The following SIAH3 variants were observed in gnomAD, a reference collection of about 807,000 sequenced individuals.
SIAH3 encodes siah E3 ubiquitin protein ligase family member 3.
SIAH3 carries 9 observed loss-of-function variants against 12.6 expected under a neutral mutation model. The observed-to-expected ratio is 0.72, with a 90% CI of 0.43 to 1.25. The LOEUF is 1.25. Ranked by LOEUF, SIAH3 falls within the 50% of genes most tolerant of loss-of-function variation. The pLI, the probability that SIAH3 is intolerant of heterozygous loss-of-function variation, is 0.00. For synonymous variants in SIAH3, 154 were observed against 151.1 expected (o/e 1.02, Z -0.14); for missense variants, 390 against 365.4 (o/e 1.07, Z -0.55).
intron 1 of SIAH3, among the ~76,000 whole-genome samples, chr13:45,793,894 C>A (rs1008997449): frequency 4.6e-5 from 7 of 152,230 alleles, no homozygotes; most frequent in African/African-American, 1.7e-4. Context: ...TATTGTCCAG[C>A]TGGGCCCTAA....
Position 45,839,644 on chromosome 13 carries a change from A to G in SIAH3, c.135+11851T>C, listed in dbSNP as rs183426366. Among the ~76,000 whole-genome samples, 305 of 152,032 alleles carry G rather than the reference A, an allele frequency of 2.0e-3. 2 individuals are homozygous for G. Among genetic ancestry groups the G allele is most frequent in the African/African-American group, 7.0e-3 (291 of 41,504 alleles). On this transcript the variant is annotated intron_variant, in intron 1 of 1. Transcript: ENST00000400405. The stretch of plus-strand genomic sequence containing the variant: ...TCAGGAGATCAAGACCATCCTGGCT[A>G]ACACGGTGAAACCCCATCTCTACTA...
chr13:45,824,451 A>C (rs1270816926), intron 1 of SIAH3, among the ~76,000 whole-genome samples: 1 of 152,224 alleles, frequency 6.6e-6, no homozygotes, highest in African/African-American at 2.4e-5. Context: ...GGTAGCCTCC[A>C]TACCCCTCAC....
chr13:45,832,580 T>C (rs774806894), intron 1 of SIAH3, among the ~76,000 whole-genome samples: 16 of 152,262 alleles, frequency 1.1e-4, no homozygotes, highest in Non-Finnish European at 2.2e-4. Flanking sequence ...TGTTTATTGA[T>C]TCCTCTGTTG....
chr13:45,851,606 A>G lies in SIAH3; in HGVS notation c.24T>C (p.Phe8=). The change falls in exon 1 of 2, where the codon TTT becomes TTC. Residue 8 remains phenylalanine (F), a synonymous_variant. Transcript: ENST00000400405. MLFFTQC[F]GAVLDLIHLR... ...GATGAATGAGATCTAATACAGCCCCAAAGCACTGGGTAAAGAAAAGCATCA... is the reference window on the plus strand; with the variant it reads ...GATGAATGAGATCTAATACAGCCCCGAAGCACTGGGTAAAGAAAAGCATCA... 6.2e-7 allele frequency: 1 copy of G among 1,614,218 alleles called. No homozygotes were observed. The highest frequency in any genetic ancestry group is 1.1e-5 in the South Asian group (1 of 91,086).
chr13:45,784,398 G>GTTTTTTTTTTTTTTTTTTT (rs35686357), intron 1 of SIAH3, among the ~76,000 whole-genome samples: 59 of 65,794 alleles, frequency 9.0e-4, no homozygotes, highest in Non-Finnish European at 1.3e-3. Context: ...AAAGACAGCT[G>GTTTTTTTTTTTTTTTTTTT]TTTTTTTTTT....
intron 1 of SIAH3, among the ~76,000 whole-genome samples, chr13:45,836,355 C>T (rs903639835): frequency 7.9e-5 from 12 of 152,156 alleles, no homozygotes; most frequent in South Asian, 2.1e-4. Context: ...AGTGCATATA[C>T]GCCATGGAAT....
At chr13:45,817,864 C>A (rs1950639920) in intron 1 of SIAH3, among the ~76,000 whole-genome samples, 1 of 152,156 alleles carries the variant, frequency 6.6e-6, no homozygotes, top group Non-Finnish European at 1.5e-5. Flanking sequence ...CTGTCAGAGC[C>A]CTGAATCTAT....
chr13:45,810,361 C>T (rs2137563651), intron 1 of SIAH3, among the ~76,000 whole-genome samples: 1 of 152,320 alleles, frequency 6.6e-6, no homozygotes, highest in East Asian at 1.9e-4. Flanking sequence ...TATCTTGACT[C>T]TTGTGTGTGT....
intron 1 of SIAH3, among the ~76,000 whole-genome samples, chr13:45,850,432 A>G (rs1158930676): frequency 1.3e-5 from 2 of 152,100 alleles, no homozygotes; most frequent in East Asian, 1.9e-4. Flanking sequence ...CACTGTCGCT[A>G]CAGACACGGC....
intron 1 of SIAH3, among the ~76,000 whole-genome samples, chr13:45,823,691 G>T (rs1031343285): frequency 6.6e-6 from 1 of 152,190 alleles, no homozygotes; most frequent in African/African-American, 2.4e-5. Flanking sequence ...TCATCACTCA[G>T]CACTATCCTA....
chr13:45,823,313 A>T (rs1389751053), intron 1 of SIAH3, among the ~76,000 whole-genome samples: 1 of 152,198 alleles, frequency 6.6e-6, no homozygotes. Context: ...AAAGCTCCCC[A>T]GGCAATTCTA....
intron 1 of SIAH3, among the ~76,000 whole-genome samples, chr13:45,795,744 A>G (rs2117781): frequency 0.53 from 80,590 of 151,988 alleles, 22,671 homozygotes; most frequent in African/African-American, 0.67. Flanking sequence ...ATACCTGACA[A>G]ATATGAGCAT....
chr13:45,804,261 C>T (rs945925416), intron 1 of SIAH3, among the ~76,000 whole-genome samples: 23 of 151,890 alleles, frequency 1.5e-4, no homozygotes, highest in Admixed American at 3.9e-4. Context: ...ATTGTTATTA[C>T]TACATGCTAC....
rs1187578156 is a variant in SIAH3, at chr13:45,783,619, T to G, written c.574A>C (p.Thr192Pro). The G allele has an allele frequency of 6.2e-7, 1 of 1,613,702 alleles. No homozygotes were observed. Among genetic ancestry groups the G allele is most frequent in the African/African-American group, 1.3e-5 (1 of 74,874 alleles). Reference protein sequence around the residue: ...QFFATMMLIGTPTQADCFTYR... With the variant: ...QFFATMMLIGPPTQADCFTYR... ...GTGAAGCAGTCGGCCTGGGTGGGGG[T>G]CCCAATCAGCATCATGGTGGCAAAG... Residue 192 changes from threonine (T) to proline (P), a missense_variant, in exon 2 of 2, where the codon ACC becomes CCC. Coordinates refer to ENST00000400405, the MANE Select transcript of SIAH3 (RefSeq NM_198849.3).
intron 1 of SIAH3, among the ~76,000 whole-genome samples, chr13:45,815,964 T>G (rs1950633044): frequency 6.6e-6 from 1 of 152,200 alleles, no homozygotes; most frequent in Non-Finnish European, 1.5e-5. Context: ...ATGAAGCACA[T>G]GCCGTGCCTA....
At chr13:45,846,908 A>G (rs1426939677) in intron 1 of SIAH3, among the ~76,000 whole-genome samples, 1 of 152,200 alleles carries the variant, frequency 6.6e-6, no homozygotes, top group Admixed American at 6.5e-5. Flanking sequence ...TGCAATCACC[A>G]TTAACCAGAA....
intron 1 of SIAH3, among the ~76,000 whole-genome samples, chr13:45,826,480 G>A (rs1566094945): frequency 2.1e-5 from 3 of 145,676 alleles, no homozygotes; most frequent in African/African-American, 8.2e-5. Flanking sequence ...TGGATGGATG[G>A]ATGGATGGAT....
chr13:45,832,751 T>C (rs1346766326), intron 1 of SIAH3, among the ~76,000 whole-genome samples: 1 of 152,258 alleles, frequency 6.6e-6, no homozygotes, highest in Non-Finnish European at 1.5e-5. Flanking sequence ...AGCTTCATAC[T>C]ATTTTTTATA....
chr13:45,804,856 G>A (rs1392162390), intron 1 of SIAH3, among the ~76,000 whole-genome samples: 1 of 151,698 alleles, frequency 6.6e-6, no homozygotes, highest in African/African-American at 2.4e-5. Flanking sequence ...GATGATAAAC[G>A]ACTTCAGTAA....
Sources: gnomAD v4.1 joint callset for allele counts (sites outside exome capture counted in the v4.1 genomes callset) on GRCh38, gnomAD v4.1.1 for gene constraint, MANE v1.5 for transcripts, NCBI Gene and HGNC (gene_info 2026-07-23, HGNC 2026-07-21) for gene names.